The following TEK variants were observed in gnomAD, a reference collection of about 807,000 sequenced individuals.
TEK encodes the protein TEK receptor tyrosine kinase, also known as angiopoietin-1 receptor.
TEK carries 43 observed loss-of-function variants against 131.8 expected under a neutral mutation model. The observed-to-expected ratio is 0.33, with a 90% CI of 0.26 to 0.42. TEK has a LOEUF of 0.42. Among genes scored for constraint, TEK ranks in the 10% least tolerant of loss-of-function variants. The pLI is 1.00. For synonymous variants in TEK, 580 were observed against 491.6 expected (o/e 1.18, Z -2.38); for missense variants, 1,162 against 1,384.4 (o/e 0.84, Z 2.55).
intron 18 of TEK, among the ~76,000 whole-genome samples, chr9:27,215,372 G>C (rs1382378504): frequency 6.6e-6 from 1 of 152,086 alleles, no homozygotes; most frequent in Non-Finnish European, 1.5e-5. Context: ...CTGCAAGAAA[G>C]GTGCAGTGTG....
intron 4 of TEK, among the ~76,000 whole-genome samples, chr9:27,171,385 C>T (rs935128695): frequency 1.3e-5 from 2 of 152,198 alleles, no homozygotes; most frequent in African/African-American, 4.8e-5. Context: ...TTGGTCATAA[C>T]TCTGTGCCAA....
intron 21 of TEK, among the ~76,000 whole-genome samples, chr9:27,222,145 T>C (rs1826109541): frequency 6.6e-6 from 1 of 152,016 alleles, no homozygotes; most frequent in Admixed American, 6.6e-5. Flanking sequence ...TATCAGATAC[T>C]GAAGATACAC....
At chr9:27,215,605 G>A (rs916002662) in intron 18 of TEK, among the ~76,000 whole-genome samples, 4 of 149,602 alleles carry the variant, frequency 2.7e-5, no homozygotes, top group African/African-American at 7.4e-5. Context: ...TTTAATACTG[G>A]AAGTATTACT....
intron 15 of TEK, among the ~76,000 whole-genome samples, chr9:27,208,314 G>C (rs1825473835): frequency 6.6e-6 from 1 of 151,822 alleles, no homozygotes; most frequent in South Asian, 2.1e-4. Flanking sequence ...ATGGCCACCA[G>C]CACCTCACTC....
At chr9:27,125,991 G>A (rs940341634) in intron 1 of TEK, among the ~76,000 whole-genome samples, 1 of 152,200 alleles carries the variant, frequency 6.6e-6, no homozygotes, top group African/African-American at 2.4e-5. Context: ...AGCTAAGGAG[G>A]TTTTTGTTGG....
intron 6 of TEK, among the ~76,000 whole-genome samples, chr9:27,177,825 A>G (rs1303076037): frequency 6.6e-6 from 1 of 152,164 alleles, no homozygotes; most frequent in Non-Finnish European, 1.5e-5. Flanking sequence ...TTTTCTTGCT[A>G]TTAAGTGGTT....
At chr9:27,190,164 G>A (rs951393985) in intron 9 of TEK, among the ~76,000 whole-genome samples, 4 of 152,158 alleles carry the variant, frequency 2.6e-5, no homozygotes, top group Admixed American at 2.0e-4. Flanking sequence ...GAAGTGAAAG[G>A]TCAGTGGGAC....
At chr9:27,183,748 T>C in intron 8 of TEK, 138 bp downstream of exon 8, 7 of 1,195,728 alleles carry the variant, frequency 5.9e-6, no homozygotes, top group Non-Finnish European at 7.4e-6. Flanking sequence ...AAATGCCCTA[T>C]TCCTGGAGAG....
At chr9:27,151,395 A>AT (rs1823121598) in intron 1 of TEK, among the ~76,000 whole-genome samples, 1 of 152,174 alleles carries the variant, frequency 6.6e-6, no homozygotes, top group African/African-American at 2.4e-5. Flanking sequence ...ACTTTAAGAT[A>AT]GAGAAAGAAC....
At chr9:27,176,291 C>T (rs1227748395) in intron 6 of TEK, among the ~76,000 whole-genome samples, 1 of 152,032 alleles carries the variant, frequency 6.6e-6, no homozygotes, top group Non-Finnish European at 1.5e-5. Flanking sequence ...ATAGTGGGGA[C>T]AATAAAGAGA....
intron 2 of TEK, among the ~76,000 whole-genome samples, chr9:27,162,713 T>G (rs754293593): frequency 5.6e-4 from 85 of 152,188 alleles, no homozygotes; most frequent in Non-Finnish European, 1.1e-3. Flanking sequence ...ATTCCACAAT[T>G]TTTCTTTTCT....
chr9:27,225,404 G>A (rs1232436343), intron 21 of TEK, among the ~76,000 whole-genome samples: 1 of 152,048 alleles, frequency 6.6e-6, no homozygotes, highest in African/African-American at 2.4e-5. Flanking sequence ...ATAGACCAAA[G>A]GAACAAGACA....
At chr9:27,200,652 T>C (rs181682283) in intron 12 of TEK, among the ~76,000 whole-genome samples, 22 of 152,334 alleles carry the variant, frequency 1.4e-4, no homozygotes, top group African/African-American at 5.3e-4. Flanking sequence ...CTTCCAGTTA[T>C]AAAGTTTGTG....
intron 1 of TEK, among the ~76,000 whole-genome samples, chr9:27,150,354 C>G (rs1020409908): frequency 6.6e-6 from 1 of 152,196 alleles, no homozygotes; most frequent in Admixed American, 6.5e-5. Context: ...TGCCTGTAAT[C>G]CCAGCATTTT....
At chr9:27,195,258 AACCAGG>A (rs1235112230) in intron 11 of TEK, among the ~76,000 whole-genome samples, 3 of 152,160 alleles carry the variant, frequency 2.0e-5, no homozygotes, top group Non-Finnish European at 2.9e-5. Context: ...GGGTAGTCAG[AACCAGG>A]CTGGTGGGAC....
intron 1 of TEK, among the ~76,000 whole-genome samples, chr9:27,146,815 C>T (rs185439265): frequency 0.015 from 2,234 of 150,474 alleles, 53 homozygotes; most frequent in African/African-American, 0.052. Context: ...CTGCAAGCTC[C>T]GCCTCCCGGG....
rs369286334 is a variant in TEK at position 27,169,622 on chromosome 9, A to T, written c.621A>T (p.Ile207=). The change falls in exon 4 of 23, where the codon ATA becomes ATT. Residue 207 remains isoleucine, a synonymous_variant. Coordinates refer to ENST00000380036, the MANE Select transcript of TEK (RefSeq NM_000459.5). ...NLFTSAFTRL[I]VRRCEAQKWG... Reference sequence around the variant, plus strand: ...TCACCTCGGCCTTCACCAGGCTGATAGTCCGGAGTAAGTGATGGAGAGGCC... The same window carrying T: ...TCACCTCGGCCTTCACCAGGCTGATTGTCCGGAGTAAGTGATGGAGAGGCC... 2.4e-5 allele frequency: 39 copies of T among 1,613,888 alleles called. No individual in the cohort carries two copies. Among genetic ancestry groups the T allele is most frequent in the Non-Finnish European group, 3.1e-5 (36 of 1,179,910 alleles).
At chr9:27,135,995 T>C (rs927094840) in intron 1 of TEK, among the ~76,000 whole-genome samples, 1 of 152,202 alleles carries the variant, frequency 6.6e-6, no homozygotes, top group Non-Finnish European at 1.5e-5. Flanking sequence ...CCACTGTTAA[T>C]ATTTTCTAGA....
Position 27,192,473 on chromosome 9 carries a change from C to T in TEK, c.1490-16C>T, listed in dbSNP as rs201734564. Reference sequence around the variant, plus strand: ...AGAATGCCAACTTAAGTTTCCTGGACGTTTTCTCTTCTCAGTGACAAATGA... The same window carrying T: ...AGAATGCCAACTTAAGTTTCCTGGATGTTTTCTCTTCTCAGTGACAAATGA... On this transcript the variant is annotated splice_polypyrimidine_tract_variant and intron_variant, in intron 10 of 22. Coordinates refer to ENST00000380036, the MANE Select transcript of TEK (RefSeq NM_000459.5). 35 of 1,613,702 alleles carry T rather than the reference C, an allele frequency of 2.2e-5. No homozygotes were observed. The Middle Eastern group carries it at 5.0e-4, about 23-fold the overall frequency.
Sources: allele counts gnomAD v4.1 joint callset (sites outside exome capture counted in the v4.1 genomes callset), GRCh38; gene constraint gnomAD v4.1.1; transcripts MANE v1.5; gene names NCBI Gene and HGNC (gene_info 2026-07-23, HGNC 2026-07-21).